The following CAMKK1 variants were observed in gnomAD, a reference collection of about 807,000 sequenced individuals.
The protein encoded by CAMKK1 is calcium/calmodulin dependent protein kinase kinase 1.
A neutral mutation model predicts 63.5 loss-of-function variants in CAMKK1; 20 were observed. That is an observed-to-expected ratio of 0.32 (90% CI 0.22 to 0.46). CAMKK1 has a LOEUF of 0.46. Ranked by LOEUF, CAMKK1 falls within the 20% of genes least tolerant of loss-of-function variation. CAMKK1 has a pLI of 1.00. For synonymous variants in CAMKK1, 253 were observed against 269.0 expected, an observed-to-expected ratio of 0.94 and a Z score of 0.58; for missense variants, 588 against 658.1, an observed-to-expected ratio of 0.89 and a Z score of 1.17.
At chr17:3,866,331 C>T (rs570648511) in intron 14 of CAMKK1, among the ~76,000 whole-genome samples, 1 of 152,362 alleles carries the variant, frequency 6.6e-6, no homozygotes, top group African/African-American at 2.4e-5. Flanking sequence ...CTTCTCGCTA[C>T]GGCAGCAATG....
At chr17:3,868,900 G>A (rs969925311) in intron 14 of CAMKK1, among the ~76,000 whole-genome samples, 11 of 151,844 alleles carry the variant, frequency 7.2e-5, no homozygotes, top group Admixed American at 2.6e-4. Context: ...TGATCCACCC[G>A]CCTCGGCCTC....
chr17:3,884,481 C>A lies in CAMKK1; in HGVS notation c.361-54G>T. 1.3e-6 allele frequency: 2 copies of A among 1,564,058 alleles called. No individual in the cohort carries two copies. Among genetic ancestry groups the A allele is most frequent in the Non-Finnish European group, 8.8e-7 (1 of 1,139,394 alleles). On this transcript the variant is annotated intron_variant, in intron 2 of 15. Coordinates refer to ENST00000348335, the MANE Select transcript of CAMKK1 (RefSeq NM_032294.3). This position sits in a 1 kb window ranked among gnomAD's most constrained non-coding sequence, Gnocchi z 4.5. ...AGCTGGGTCCGGAGGCAGCACTGCT[C>A]CTACCTCAGAGCCCGTTCAGGGTCC...
In CAMKK1 at chr17:3,862,188, T is replaced by A. The variant is rs1440103535; in HGVS notation, c.*23A>T. On this transcript the variant is annotated 3_prime_UTR_variant, in exon 16 of 16. Transcript: ENST00000348335. The surrounding 1 kb of genome is among the most constrained non-coding windows in gnomAD (Gnocchi z 4.1). The stretch of plus-strand genomic sequence containing the variant: ...GGCGCGGGATGAGTGTGCTGCCGGG[T>A]GGCCCTGGGTGCATGCAGGGGCTCA... The A allele has an allele frequency of 5.1e-6, 8 of 1,565,288 alleles. No homozygotes were observed. The highest frequency in any genetic ancestry group is 6.1e-6 in the Non-Finnish European group (7 of 1,154,642).
At chr17:3,870,044 G>A (rs1597451242) in intron 12 of CAMKK1, among the ~76,000 whole-genome samples, 156 bp from the exon 13 acceptor site, 1 of 152,168 alleles carries the variant, frequency 6.6e-6, no homozygotes, top group Non-Finnish European at 1.5e-5. Flanking sequence ...AGCCTTTCCT[G>A]AGCAGGAGGT....
intron 10 of CAMKK1, among the ~76,000 whole-genome samples, 164 bp downstream of exon 10, chr17:3,876,059 G>A (rs1272637831): frequency 1.3e-5 from 2 of 152,178 alleles, no homozygotes; most frequent in African/African-American, 4.8e-5. Flanking sequence ...TGGAAAACAG[G>A]AGAAGGCCAA....
chr17:3,872,470 G>T (rs575617359), intron 12 of CAMKK1, 84 bp downstream of exon 12: 2 of 1,137,640 alleles, frequency 1.8e-6, no homozygotes, highest in East Asian at 2.4e-5. Context: ...CTGGGGTGGG[G>T]TCCTCAGAGG....
intron 10 of CAMKK1, among the ~76,000 whole-genome samples, chr17:3,874,575 G>A (rs2055055056): frequency 6.6e-6 from 1 of 150,588 alleles, no homozygotes; most frequent in Admixed American, 6.6e-5. Context: ...GTTTCACCAC[G>A]TTGGCCAGGC....
chr17:3,884,571 G>A lies in CAMKK1; in HGVS notation c.361-144C>T, dbSNP rs780119157. ...CTCACCAAGCTTTTGAGTTTGGATGGGGAAGTTGGTGGTGCCATCGCCCCC... is the reference window on the plus strand; with the variant it reads ...CTCACCAAGCTTTTGAGTTTGGATGAGGAAGTTGGTGGTGCCATCGCCCCC... On this transcript the variant is annotated intron_variant, in intron 2 of 15. Transcript: ENST00000348335. This position sits in a 1 kb window ranked among gnomAD's most constrained non-coding sequence, Gnocchi z 4.5. 3.2e-5 allele frequency: 22 copies of A among 694,874 alleles called. No individual in the cohort carries two copies. Among genetic ancestry groups the A allele is most frequent in the East Asian group, 5.7e-5 (2 of 34,982 alleles). 43.0% of individuals were successfully genotyped at this position (694,874 alleles called of 1,614,324 possible).
intron 14 of CAMKK1, among the ~76,000 whole-genome samples, chr17:3,867,429 G>A (rs1023133731): frequency 2.4e-4 from 37 of 152,316 alleles, no homozygotes; most frequent in African/African-American, 6.3e-4. Context: ...ACAGCAGCCC[G>A]AGTGAGAAGC....
chr17:3,876,455 G>A, intron 9 of CAMKK1, 33 bp from the exon 10 acceptor site: 1 of 1,589,516 alleles, frequency 6.3e-7, no homozygotes, highest in Non-Finnish European at 8.6e-7. Context: ...CTGAGCGCTG[G>A]CCTGGGCACC....
At chr17:3,880,065 G>A (rs1227875626) in intron 9 of CAMKK1, 2 of 450,938 alleles carry the variant, frequency 4.4e-6, no homozygotes, top group Non-Finnish European at 8.1e-6. Flanking sequence ...GCTAAGCTAG[G>A]CTAAGAACTC....
rs2055301075 is a variant in CAMKK1 at position 3,879,223 on chromosome 17, C to G, written c.796+1123G>C. On this transcript the variant is annotated intron_variant, in intron 9 of 15. Transcript: ENST00000348335. The surrounding 1 kb of genome is among the most constrained non-coding windows in gnomAD (Gnocchi z 4.5). ...AGACCGGCAAGTCACTCCATGCTGACCACCCCACCTCCTTCCTATCCCCAT... is the reference window on the plus strand; with the variant it reads ...AGACCGGCAAGTCACTCCATGCTGAGCACCCCACCTCCTTCCTATCCCCAT... 1 of 153,012 alleles carries G rather than the reference C, an allele frequency of 6.5e-6. No individual in the cohort carries two copies. The highest frequency in any genetic ancestry group is 2.4e-5 in the African/African-American group (1 of 41,434). 9.5% of individuals were successfully genotyped at this position (153,012 alleles called of 1,614,324 possible).
At position 3,890,288 on chromosome 17, in the gene CAMKK1, C is replaced by A. The variant is rs181563313; in HGVS notation, c.-44+2651G>T. On this transcript the variant is annotated intron_variant, in intron 1 of 15. Coordinates refer to ENST00000348335, the MANE Select transcript of CAMKK1 (RefSeq NM_032294.3). The surrounding 1 kb of genome is among the most constrained non-coding windows in gnomAD (Gnocchi z 6.5). ...TGACGACTCCTGCTGTGAGGACGCC[C>A]GCTCCCACCATCCCTGGGGAGCCCC... 1.3e-5 allele frequency among the ~76,000 whole-genome samples: 2 copies of A among 152,150 alleles called. No homozygotes were observed. Among genetic ancestry groups the A allele is most frequent in the East Asian group, 1.9e-4 (1 of 5,194 alleles).
At chr17:3,866,779 G>A (rs920137729) in intron 14 of CAMKK1, among the ~76,000 whole-genome samples, 3 of 152,002 alleles carry the variant, frequency 2.0e-5, no homozygotes, top group African/African-American at 7.3e-5. Flanking sequence ...GAGTGCAGTG[G>A]CACAATCTCG....
chr17:3,871,128 G>A (rs1307578892), intron 12 of CAMKK1, among the ~76,000 whole-genome samples: 2 of 152,104 alleles, frequency 1.3e-5, no homozygotes, highest in Admixed American at 6.5e-5. Flanking sequence ...CAGCAGCAGC[G>A]AGACCAGGGG....
intron 12 of CAMKK1, 24 bp downstream of exon 12, chr17:3,872,530 T>C: frequency 1.2e-6 from 2 of 1,603,456 alleles, no homozygotes; most frequent in Non-Finnish European, 1.7e-6. Context: ...GTAGCCCCCT[T>C]GTTCCCCTGG....
In CAMKK1 at chr17:3,861,409, AG is replaced by A. The variant is rs1248116072; in HGVS notation, c.*801del. On this transcript the variant is annotated 3_prime_UTR_variant, in exon 16 of 16. Coordinates refer to ENST00000348335, the MANE Select transcript of CAMKK1 (RefSeq NM_032294.3). ...CATCAAGGGAGAGAGTGAGATGGGC[AG>A]GGACGATGTGGTGCTTCCGCTTCAG... is the stretch of plus-strand genomic sequence containing the variant. 1 of 152,416 alleles carries A rather than the reference AG, an allele frequency of 6.6e-6. No homozygotes were observed. The allele number at this position is 152,416 out of a possible 1,614,324, so 9.4% of individuals were successfully genotyped here.
intron 9 of CAMKK1, 29 bp downstream of exon 9, chr17:3,880,317 C>G: frequency 6.3e-7 from 1 of 1,598,816 alleles, no homozygotes; most frequent in Non-Finnish European, 8.6e-7. Flanking sequence ...CTAGCCCCAG[C>G]CCCAGTGGGC....
chr17:3,864,481 T>C (rs868330196), intron 15 of CAMKK1, among the ~76,000 whole-genome samples: 11 of 151,926 alleles, frequency 7.2e-5, no homozygotes, highest in Admixed American at 2.0e-4. Context: ...CTCCTGACCC[T>C]GTGATCCACC....
Sources: gnomAD v4.1 joint callset for allele counts (sites outside exome capture counted in the v4.1 genomes callset) on GRCh38, gnomAD v4.1.1 for gene constraint, Gnocchi (gnomAD v3.1) non-coding constraint, MANE v1.5 for transcripts, NCBI Gene and HGNC (gene_info 2026-07-23, HGNC 2026-07-21) for gene names.